The following EXOC6B variants were observed in gnomAD, a reference collection of about 807,000 sequenced individuals.
EXOC6B encodes SEC15 homolog B.
EXOC6B carries 54 observed loss-of-function variants against 113.5 expected under a neutral mutation model. That is an observed-to-expected ratio of 0.48 (90% CI 0.38 to 0.60). The LOEUF (loss-of-function observed/expected upper bound fraction) is 0.60. EXOC6B is among the 20% of genes least tolerant of loss of function. EXOC6B has a pLI of 0.00. For synonymous variants in EXOC6B, 357 were observed against 339.0 expected, an observed-to-expected ratio of 1.05 and a Z score of -0.58; for missense variants, 797 against 977.5, an observed-to-expected ratio of 0.82 and a Z score of 2.46.
intron 12 of EXOC6B, 143 bp from the exon 13 acceptor site, chr2:72,498,694 A>G: frequency 5.1e-6 from 3 of 585,996 alleles, no homozygotes; most frequent in Non-Finnish European, 9.0e-6. Context: ...ACCATTTAGT[A>G]GAATCTTTCA....
At chr2:72,466,052 T>A (rs1430470845) in intron 17 of EXOC6B, among the ~76,000 whole-genome samples, 1 of 151,822 alleles carries the variant, frequency 6.6e-6, no homozygotes, top group African/African-American at 2.4e-5. Flanking sequence ...CAGACAAACT[T>A]TGAAATAAGT....
chr2:72,310,899 TTAA>T (rs1257143786), intron 20 of EXOC6B, among the ~76,000 whole-genome samples: 2 of 146,120 alleles, frequency 1.4e-5, no homozygotes, highest in Non-Finnish European at 3.0e-5. Flanking sequence ...AGAGCTAGTA[TTAA>T]TATTATAGCC....
At chr2:72,751,136 G>C (rs1318299736) in intron 1 of EXOC6B, among the ~76,000 whole-genome samples, 3 of 151,986 alleles carry the variant, frequency 2.0e-5, no homozygotes, top group Non-Finnish European at 4.4e-5. Context: ...AGTTTATTTT[G>C]CCAAGGTTAA....
Position 72,506,618 on chromosome 2 carries a change from A to G in EXOC6B, c.1167+6514T>C, listed in dbSNP as rs553605417. On this transcript the variant is annotated intron_variant, in intron 11 of 21. Transcript: ENST00000272427. ...TTATATATAAAATACAGCATTTCCA[A>G]TTGTTTCTGGCTGAGGGATTGGTAT... 1.8e-4 allele frequency among the ~76,000 whole-genome samples: 28 copies of G among 152,290 alleles called. No homozygotes were observed. In the South Asian group the frequency reaches 2.9e-3, roughly 16 times the overall value.
chr2:72,321,361 C>T (rs897414087), intron 20 of EXOC6B, among the ~76,000 whole-genome samples: 4 of 151,930 alleles, frequency 2.6e-5, no homozygotes, highest in African/African-American at 7.3e-5. Flanking sequence ...ATGGTGAAAC[C>T]TCGTCTCTCC....
intron 2 of EXOC6B, among the ~76,000 whole-genome samples, chr2:72,739,267 G>A (rs1377486047): frequency 6.6e-6 from 1 of 151,878 alleles, no homozygotes; most frequent in Admixed American, 6.6e-5. Flanking sequence ...AATTACGTGG[G>A]GTTTTAAGTA....
Position 72,343,379 on chromosome 2 carries a change from A to T in EXOC6B, c.2123-8359T>A, listed in dbSNP as rs750904667. ...AAGGTGGAGGCTGCAGTGAGCCAAGATCGTGCCACTGCACTCCAGCCTGGG... is the reference window on the plus strand; with the variant it reads ...AAGGTGGAGGCTGCAGTGAGCCAAGTTCGTGCCACTGCACTCCAGCCTGGG... On this transcript the variant is annotated intron_variant, in intron 19 of 21. Transcript: ENST00000272427. Among the ~76,000 whole-genome samples, 9 of 152,326 alleles carry T rather than the reference A, an allele frequency of 5.9e-5. No individual in the cohort carries two copies. The East Asian group carries it at 9.6e-4, about 16-fold the overall frequency.
intron 12 of EXOC6B, 102 bp from the exon 13 acceptor site, chr2:72,498,653 A>T: frequency 1.6e-6 from 1 of 635,544 alleles, no homozygotes; most frequent in Non-Finnish European, 2.6e-6. Context: ...ACTGAAAAAC[A>T]TTACATTCTT....
At chr2:72,535,449 C>T (rs563952309) in intron 8 of EXOC6B, among the ~76,000 whole-genome samples, 88 of 152,294 alleles carry the variant, frequency 5.8e-4, no homozygotes, top group African/African-American at 2.0e-3. Context: ...ATGCTGTAAG[C>T]ACCAAAGTCT....
At chr2:72,722,941 C>CA (rs949582864) in intron 5 of EXOC6B, among the ~76,000 whole-genome samples, 3 of 152,270 alleles carry the variant, frequency 2.0e-5, no homozygotes, top group African/African-American at 7.2e-5. Flanking sequence ...CTAATTAGTA[C>CA]AAAACCCAGT....
At chr2:72,342,468 T>A (rs1289953390) in intron 19 of EXOC6B, among the ~76,000 whole-genome samples, 2 of 151,952 alleles carry the variant, frequency 1.3e-5, no homozygotes, top group Non-Finnish European at 2.9e-5. Context: ...AAGATGCAAA[T>A]CAAACCACAA....
At position 72,194,128 on chromosome 2, in the gene EXOC6B, T is replaced by A. The variant is rs185397068; in HGVS notation, c.2197-9941A>T. ...TCTCAGATGTAAGGCATTTAATACC[T>A]AGTAAAGAAAGAAGAAAAAAATGGC... On this transcript the variant is annotated intron_variant, in intron 20 of 21. Transcript: ENST00000272427. Among the ~76,000 whole-genome samples, 362 of 152,234 alleles carry A rather than the reference T, an allele frequency of 2.4e-3. 1 individual carries two copies. The highest frequency in any genetic ancestry group is 8.1e-3 in the African/African-American group (337 of 41,542).
At chr2:72,592,149 CT>C (rs1188777620) in intron 6 of EXOC6B, among the ~76,000 whole-genome samples, 1 of 152,040 alleles carries the variant, frequency 6.6e-6, no homozygotes, top group Admixed American at 6.6e-5. Context: ...TAAAAGCCGA[CT>C]GTTTAAAGGC....
intron 21 of EXOC6B, among the ~76,000 whole-genome samples, chr2:72,183,566 T>C (rs1558991632): frequency 6.6e-6 from 1 of 152,134 alleles, no homozygotes; most frequent in Non-Finnish European, 1.5e-5. Context: ...GTCAGCACAA[T>C]AAAGCTCAGT....
intron 18 of EXOC6B, among the ~76,000 whole-genome samples, chr2:72,458,427 T>C (rs1045607417): frequency 1.1e-4 from 16 of 152,108 alleles, no homozygotes; most frequent in African/African-American, 3.4e-4. Context: ...AGTCATCTGA[T>C]TCTAGAGAAT....
intron 7 of EXOC6B, among the ~76,000 whole-genome samples, chr2:72,574,759 A>G (rs941074445): frequency 7.9e-5 from 12 of 152,152 alleles, no homozygotes; most frequent in African/African-American, 2.9e-4. Context: ...TAAACACCAC[A>G]CTCACAAAGA....
At chr2:72,627,744 G>A (rs964585022) in intron 6 of EXOC6B, among the ~76,000 whole-genome samples, 136 of 152,160 alleles carry the variant, frequency 8.9e-4, no homozygotes, top group African/African-American at 3.2e-3. Context: ...ATTAGGTCAA[G>A]GTTAGGAAAT....
intron 7 of EXOC6B, among the ~76,000 whole-genome samples, chr2:72,569,689 T>A (rs1704405505): frequency 6.6e-6 from 1 of 152,180 alleles, no homozygotes. Flanking sequence ...TTTATTTAAG[T>A]TTAAGTTTAA....
At chr2:72,335,133 C>G (rs895075927) in intron 19 of EXOC6B, 113 bp from the exon 20 acceptor site, 2 of 899,222 alleles carry the variant, frequency 2.2e-6, no homozygotes, top group Non-Finnish European at 3.6e-6. Context: ...GACCAAGCTT[C>G]TAAGGAGTCA....
Sources: allele counts gnomAD v4.1 joint callset (sites outside exome capture counted in the v4.1 genomes callset), GRCh38; gene constraint gnomAD v4.1.1; transcripts MANE v1.5; gene names NCBI Gene and HGNC (gene_info 2026-07-23, HGNC 2026-07-21).